Variants in AVEN observed in about 807,000 individuals in gnomAD.
AVEN encodes the protein cell death regulator Aven.
AVEN carries 41 observed loss-of-function variants against 38.1 expected under a neutral mutation model. That is an observed-to-expected ratio of 1.08 (90% CI 0.84 to 1.40). The LOEUF (loss-of-function observed/expected upper bound fraction) is 1.40. AVEN is among the 40% of genes most tolerant of loss of function. AVEN has a pLI of 0.00. For synonymous variants in AVEN, 206 were observed against 171.8 expected (o/e 1.20, Z -1.56); for missense variants, 605 against 438.8 (o/e 1.38, Z -3.38).
intron 2 of AVEN, among the ~76,000 whole-genome samples, chr15:33,979,298 G>T (rs954697439): frequency 9.2e-5 from 14 of 152,170 alleles, no homozygotes; most frequent in African/African-American, 3.1e-4. Flanking sequence ...AAGGAGGAAG[G>T]ATTGCTTGAG....
chr15:33,876,202 G>A (rs777492752), intron 2 of AVEN, among the ~76,000 whole-genome samples: 20 of 152,066 alleles, frequency 1.3e-4, no homozygotes, highest in Non-Finnish European at 2.6e-4. Flanking sequence ...AAGATTAAAT[G>A]TAAGGCAAAA....
chr15:33,935,113 T>G (rs539958964), intron 2 of AVEN, among the ~76,000 whole-genome samples: 1 of 152,292 alleles, frequency 6.6e-6, no homozygotes, highest in East Asian at 1.9e-4. Flanking sequence ...TGTGTAGACA[T>G]GACTAATGTA....
At chr15:33,982,385 A>C (rs1173484608) in intron 2 of AVEN, among the ~76,000 whole-genome samples, 1 of 152,162 alleles carries the variant, frequency 6.6e-6, no homozygotes, top group African/African-American at 2.4e-5. Context: ...AGAATTACCA[A>C]ATGCTATGCT....
In AVEN at chr15:34,067,775, A is replaced by C. The variant is rs148464336; in HGVS notation, n.785-964T>G. Among the ~76,000 whole-genome samples, 17 of 152,266 alleles carry C rather than the reference A, an allele frequency of 1.1e-4. No individual in the cohort carries two copies. The East Asian group carries it at 3.3e-3, about 29-fold the overall frequency. ...TTTACCGAGTGGAGACTGCACAAAA[A>C]GGGGCAGCAGCATTTCCTTGTCAAC... On this transcript the variant is annotated intron_variant and non_coding_transcript_variant, in intron 2 of 11. Transcript: ENST00000675287.
At chr15:33,961,123 T>C (rs73381524) in intron 2 of AVEN, among the ~76,000 whole-genome samples, 45,697 of 151,730 alleles carry the variant, frequency 0.3, 9,051 homozygotes, top group African/African-American at 0.56. Context: ...GCCTCAGCCT[T>C]CCGAGTAGCT....
chr15:33,917,350 TGG>T (rs1491545675), intron 2 of AVEN, among the ~76,000 whole-genome samples: 7 of 50,476 alleles, frequency 1.4e-4, no homozygotes, highest in African/African-American at 5.5e-4. Context: ...AAAGAAAATG[TGG>T]TGTGTGTGTG....
intron 2 of AVEN, among the ~76,000 whole-genome samples, chr15:33,908,113 C>A (rs910470402): frequency 9.9e-5 from 15 of 152,234 alleles, no homozygotes; most frequent in Admixed American, 9.2e-4. Context: ...ATAAAATTTA[C>A]GATTTTAGTC....
intron 2 of AVEN, among the ~76,000 whole-genome samples, chr15:33,968,543 C>T (rs999828406): frequency 6.6e-6 from 1 of 152,122 alleles, no homozygotes; most frequent in African/African-American, 2.4e-5. Flanking sequence ...TAAAGCCGTA[C>T]TTCCTTCTGG....
intron 2 of AVEN, among the ~76,000 whole-genome samples, chr15:33,954,309 C>A (rs1040269724): frequency 1.3e-5 from 2 of 152,144 alleles, no homozygotes; most frequent in Non-Finnish European, 2.9e-5. Flanking sequence ...TGGGTATATA[C>A]CCAAAGGATT....
chr15:33,999,474 A>T (rs1284140943), intron 2 of AVEN, among the ~76,000 whole-genome samples: 1 of 152,156 alleles, frequency 6.6e-6, no homozygotes, highest in East Asian at 1.9e-4. Flanking sequence ...TATCAAAGTG[A>T]CATCTCACTT....
At chr15:33,886,758 A>G (rs1365733544) in intron 2 of AVEN, among the ~76,000 whole-genome samples, 1 of 152,188 alleles carries the variant, frequency 6.6e-6, no homozygotes, top group African/African-American at 2.4e-5. Flanking sequence ...AGTCTTGGGT[A>G]TGTCCTTAGA....
At chr15:33,909,411 A>G (rs904782247) in intron 2 of AVEN, among the ~76,000 whole-genome samples, 1 of 152,234 alleles carries the variant, frequency 6.6e-6, no homozygotes, top group Non-Finnish European at 1.5e-5. Context: ...TTTATACTCT[A>G]TAAATGTACC....
At chr15:33,960,093 C>T (rs761162730) in intron 2 of AVEN, among the ~76,000 whole-genome samples, 5 of 151,994 alleles carry the variant, frequency 3.3e-5, no homozygotes, top group African/African-American at 7.3e-5. Flanking sequence ...AATAAGGGAC[C>T]GTGATCAGAT....
chr15:33,989,143 CACAA>C (rs1896608588), intron 2 of AVEN, among the ~76,000 whole-genome samples: 1 of 141,808 alleles, frequency 7.1e-6, no homozygotes, highest in Non-Finnish European at 1.6e-5. Context: ...ACAAATCCCA[CACAA>C]ACACACACAA....
chr15:33,864,985 G>C (rs1234949408), downstream of AVEN: 1 of 608,148 alleles, frequency 1.6e-6, no homozygotes, highest in African/African-American at 1.8e-5. Context: ...CCTGTGCTGG[G>C]AATAGAGCAA....
chr15:33,879,183 A>G (rs1415565518), intron 2 of AVEN, among the ~76,000 whole-genome samples: 2 of 151,856 alleles, frequency 1.3e-5, no homozygotes, highest in Non-Finnish European at 2.9e-5. Flanking sequence ...CCGGATTAAG[A>G]AAATGTGGCA....
intron 1 of AVEN, among the ~76,000 whole-genome samples, chr15:34,017,473 AT>A (rs200988059): frequency 0.018 from 1,789 of 101,452 alleles, 33 homozygotes; most frequent in African/African-American, 0.037. Context: ...TTTCAGTATG[AT>A]TTTTTTTTTG....
intron 2 of AVEN, among the ~76,000 whole-genome samples, chr15:33,884,859 A>G (rs1224725201): frequency 6.6e-6 from 1 of 152,184 alleles, no homozygotes; most frequent in Non-Finnish European, 1.5e-5. Context: ...TCCCAAGCCT[A>G]CCACCCAATT....
At chr15:33,935,025 G>A (rs911620691) in intron 2 of AVEN, among the ~76,000 whole-genome samples, 1 of 152,114 alleles carries the variant, frequency 6.6e-6, no homozygotes, top group Non-Finnish European at 1.5e-5. Context: ...ATGAAAAGAA[G>A]GATCCAAACA....
Sources: allele counts gnomAD v4.1 joint callset (sites outside exome capture counted in the v4.1 genomes callset), GRCh38; gene constraint gnomAD v4.1.1; transcripts MANE v1.5; gene names NCBI Gene and HGNC (gene_info 2026-07-23, HGNC 2026-07-21).